KANTR: variants seen among roughly 807,000 people sequenced by gnomAD.
KANTR encodes KDM5C adjacent transcript.
downstream of KANTR, among the ~76,000 whole-genome samples, chrX:53,130,158 C>T (rs1331461228): frequency 8.9e-6 from 1 of 112,069 alleles, no homozygotes; most frequent in African/African-American, 3.2e-5. Flanking sequence ...TGAGCCACCG[C>T]GCCTGACCCT....
At chrX:53,097,693 G>A (rs1932856136) in intron 1 of KANTR, among the ~76,000 whole-genome samples, 1 of 107,850 alleles carries the variant, frequency 9.3e-6, no homozygotes, top group Non-Finnish European at 1.9e-5. Context: ...CTTTTAAAAA[G>A]CTTCAAAAAT....
chrX:53,136,153 A>G (rs969212284), intron 2 of KANTR, among the ~76,000 whole-genome samples: 2 of 111,940 alleles, frequency 1.8e-5, no homozygotes, highest in African/African-American at 6.5e-5. Flanking sequence ...TGACCTAACC[A>G]ACACTATTTC....
chrX:53,114,873 C>T (rs1156303555), intron 2 of KANTR, among the ~76,000 whole-genome samples: 1 of 110,780 alleles, frequency 9.0e-6, no homozygotes, highest in African/African-American at 3.3e-5. Flanking sequence ...CCAAAGCTTA[C>T]TAGGGTGGGC....
chrX:53,127,938 G>A (rs1933309304), downstream of KANTR, among the ~76,000 whole-genome samples: 1 of 111,238 alleles, frequency 9.0e-6, no homozygotes, highest in Admixed American at 9.6e-5. Context: ...ATGATGCTGG[G>A]CTCATAGTAA....
intron 2 of KANTR, among the ~76,000 whole-genome samples, chrX:53,111,196 T>C (rs1174006606): frequency 6.5e-5 from 7 of 107,592 alleles, no homozygotes; most frequent in Non-Finnish European, 1.3e-4. Flanking sequence ...AAATTTTTTT[T>C]TGTAGAGATG....
Position 53,120,996 on chromosome X carries a change from T to G in KANTR, c.-804-2473T>G, listed in dbSNP as rs183670331. On this transcript the variant is annotated intron_variant, in intron 2 of 2. Coordinates refer to ENST00000604062, the Ensembl canonical transcript of KANTR. ...TTCAGCCTCCCAAGGTGTTGTTTTT[T>G]TTTGTTTGTTTTTGTTTTTTGAGAT... 4.5e-3 allele frequency among the ~76,000 whole-genome samples: 483 copies of G among 107,915 alleles called. 4 individuals are homozygous for G. Among genetic ancestry groups the G allele is most frequent in the African/African-American group, 0.016 (466 of 29,522 alleles). 93.7% of individuals were successfully genotyped at this position (107,915 alleles called of 115,157 possible). A position where few individuals can be genotyped will look rare whatever the true frequency, so the allele number is the denominator to read the frequency against.
chrX:53,121,389 A>G (rs1049701126), intron 2 of KANTR, among the ~76,000 whole-genome samples: 1 of 112,282 alleles, frequency 8.9e-6, no homozygotes, highest in African/African-American at 3.2e-5. Flanking sequence ...GAGTTTCTGT[A>G]TATTCCTCAC....
intron 1 of KANTR, among the ~76,000 whole-genome samples, chrX:53,096,458 A>C (rs1405421046): frequency 5.3e-5 from 6 of 112,258 alleles, no homozygotes; most frequent in Non-Finnish European, 9.4e-5. Flanking sequence ...TGTACACTGC[A>C]GAGGGCTGAG....
chrX:53,124,607 G>C (rs1163518193), exon 3 of KANTR: 13 of 291,861 alleles, frequency 4.5e-5, no homozygotes, highest in Non-Finnish European at 7.7e-5. Context: ...CATAAGTTTA[G>C]ATATGTAGTA....
downstream of KANTR, chrX:53,143,595 G>A (rs782340477): frequency 4.6e-5 from 30 of 652,676 alleles, no homozygotes; most frequent in African/African-American, 1.7e-4. Context: ...GAGGGGCCTC[G>A]GCCAACAGCA....
At chrX:53,129,513 AAGAT>A (rs1933335069), downstream of KANTR, among the ~76,000 whole-genome samples, 1 of 110,803 alleles carries the variant, frequency 9.0e-6, no homozygotes, top group Non-Finnish European at 1.9e-5. Context: ...TTCTTCTTAA[AAGAT>A]AGGTTTGCTA....
chrX:53,143,024 G>A, downstream of KANTR: 1 of 1,194,014 alleles, frequency 8.4e-7, no homozygotes, highest in Non-Finnish European at 1.1e-6. Context: ...CTGCTGGACA[G>A]CACTGTGTTG....
intron 2 of KANTR, among the ~76,000 whole-genome samples, 188 bp downstream of exon 2, chrX:53,099,796 C>T (rs190969685): frequency 8.9e-6 from 1 of 112,244 alleles, no homozygotes; most frequent in Admixed American, 9.5e-5. Context: ...GCATGAATCT[C>T]CTTGTACATC....
chrX:53,108,721 G>A (rs1380910241), intron 2 of KANTR, among the ~76,000 whole-genome samples: 1 of 99,306 alleles, frequency 1.0e-5, no homozygotes, highest in Non-Finnish European at 2.1e-5. Flanking sequence ...TTTTTTTTGA[G>A]GCAGGGTCTC....
chrX:53,102,232 G>T (rs1238852195), intron 2 of KANTR, among the ~76,000 whole-genome samples: 1 of 111,773 alleles, frequency 8.9e-6, no homozygotes, highest in Non-Finnish European at 1.9e-5. Flanking sequence ...ATGAGGTATT[G>T]CCTGTACTCT....
At chrX:53,098,533 G>A (rs185953498) in intron 1 of KANTR, among the ~76,000 whole-genome samples, 284 of 111,613 alleles carry the variant, frequency 2.5e-3, no homozygotes, top group South Asian at 5.9e-3. Context: ...CATTTTACCC[G>A]CAGTAGAACT....
intron 1 of KANTR, among the ~76,000 whole-genome samples, chrX:53,098,620 TTTG>T (rs199884748): frequency 0.013 from 1,450 of 112,272 alleles, 10 homozygotes; most frequent in Middle Eastern, 0.032. Flanking sequence ...TTCTAAATCC[TTTG>T]TTGTTGTTTC....
intron 2 of KANTR, among the ~76,000 whole-genome samples, chrX:53,100,166 A>G (rs1203883449): frequency 7.1e-5 from 8 of 112,164 alleles, no homozygotes; most frequent in Non-Finnish European, 9.4e-5. Context: ...TTCTCCCCAT[A>G]TAACGCTGTT....
rs1291207390 is a variant in KANTR at position 53,134,516 on chromosome X, A to G, written n.204-7332A>G. On this transcript the variant is annotated intron_variant and non_coding_transcript_variant, in intron 2 of 2. Coordinates refer to the KANTR transcript ENST00000366185. ...AGTTCTTAAGCCAGCTGGTGGGTAG[A>G]TGGGTGTCTTCTTACATGTCTTTCA... 3.6e-5 allele frequency among the ~76,000 whole-genome samples: 4 copies of G among 111,931 alleles called. No individual in the cohort carries two copies. The Admixed American group carries it at 3.8e-4, about 11-fold the overall frequency.
Sources: gnomAD v4.1 joint callset for allele counts (sites outside exome capture counted in the v4.1 genomes callset) on GRCh38, gnomAD v4.1.1 for gene constraint, MANE v1.5 for transcripts, NCBI Gene and HGNC (gene_info 2026-07-23, HGNC 2026-07-21) for gene names.